Variants in DISC1 observed in about 807,000 individuals in gnomAD.
DISC1 encodes DISC1 scaffold protein, also known as disrupted in schizophrenia 1 protein.
Under a neutral mutation model 84.5 loss-of-function variants are expected in DISC1, and 57 were observed. The ratio of observed to expected loss-of-function variants is 0.67; its 90% confidence interval spans 0.55 to 0.84. The LOEUF (loss-of-function observed/expected upper bound fraction) is 0.84, where lower values mean the gene tolerates loss of function less well. DISC1 is among the 40% of genes least tolerant of loss of function. DISC1 has a pLI of 0.00. For missense variants in DISC1, 1,000 were observed against 1,057.8 expected (o/e 0.95, Z 0.76); for synonymous variants, 411 against 415.2 (o/e 0.99, Z 0.12).
chr1:232,001,073 A>G (rs1011348151), intron 10 of DISC1, among the ~76,000 whole-genome samples: 1 of 151,444 alleles, frequency 6.6e-6, no homozygotes, highest in Non-Finnish European at 1.5e-5. Context: ...ACTTAAGACA[A>G]TAGTATTTTA....
intron 6 of DISC1, among the ~76,000 whole-genome samples, chr1:231,782,772 T>C (rs1009692245): frequency 2.6e-5 from 4 of 151,756 alleles, no homozygotes; most frequent in African/African-American, 7.3e-5. Context: ...ACCCCGTCTC[T>C]ACCAAAAAAA....
chr1:231,859,297 C>G (rs188058619), intron 9 of DISC1, among the ~76,000 whole-genome samples: 1 of 152,146 alleles, frequency 6.6e-6, no homozygotes, highest in Non-Finnish European at 1.5e-5. Flanking sequence ...AACAAAGTAC[C>G]ATAGACTGAG....
chr1:231,720,980 G>A, intron 3 of DISC1: 1 of 1,290,956 alleles, frequency 7.7e-7, no homozygotes, highest in Non-Finnish European at 1.0e-6. Context: ...TTCATTTGGG[G>A]TGAACAGCAA....
chr1:231,809,402 T>TA (rs949306559), intron 8 of DISC1, among the ~76,000 whole-genome samples: 3 of 83,042 alleles, frequency 3.6e-5, no homozygotes, highest in South Asian at 4.3e-4. Context: ...TTTGGATATA[T>TA]TTTTTTTTTA....
At chr1:231,859,146 C>T (rs2084469238) in intron 9 of DISC1, among the ~76,000 whole-genome samples, 1 of 152,120 alleles carries the variant, frequency 6.6e-6, no homozygotes, top group African/African-American at 2.4e-5. Flanking sequence ...TATAATCCCC[C>T]CACCAAAAAA....
At chr1:231,886,771 CTTTCTTTCTTTCTTTCTTT>C (rs1558691964) in intron 9 of DISC1, among the ~76,000 whole-genome samples, 1,835 of 73,516 alleles carry the variant, frequency 0.025, 45 homozygotes, top group Non-Finnish European at 0.036. Flanking sequence ...TCCTTCCTTT[CTTTCTTTCTTTCTTTCTTT>C]CTTTCTTTCT....
intron 9 of DISC1, among the ~76,000 whole-genome samples, chr1:231,881,814 T>G (rs572892046): frequency 6.6e-6 from 1 of 152,282 alleles, no homozygotes; most frequent in African/African-American, 2.4e-5. Flanking sequence ...CACCCAGAAA[T>G]TTTGAAGCAA....
At chr1:231,839,200 G>A (rs1290037827) in intron 9 of DISC1, among the ~76,000 whole-genome samples, 6 of 152,156 alleles carry the variant, frequency 3.9e-5, no homozygotes, top group Admixed American at 3.3e-4. Flanking sequence ...TCGGAGGAAC[G>A]TGGCACATCT....
chr1:231,749,222 CT>C (rs990193601), intron 3 of DISC1, among the ~76,000 whole-genome samples: 8 of 152,006 alleles, frequency 5.3e-5, no homozygotes, highest in Non-Finnish European at 1.0e-4. Flanking sequence ...TGCCTTGGTC[CT>C]TTTTTTTGGT....
intron 10 of DISC1, among the ~76,000 whole-genome samples, chr1:231,960,671 C>T (rs1234354347): frequency 2.0e-5 from 3 of 152,344 alleles, no homozygotes; most frequent in African/African-American, 7.2e-5. Flanking sequence ...TGATGAAATA[C>T]ATGAGGGTTT....
chr1:231,704,158 G>A lies in DISC1; in HGVS notation c.1117+2134G>A, dbSNP rs533396860. On this transcript the variant is annotated intron_variant, in intron 3 of 12. Coordinates refer to ENST00000439617, the MANE Select transcript of DISC1 (RefSeq NM_018662.3). ...AATATGCACAATGCCTGGCATATAGGAGGCAGGCCCTCAGTAAATGTGGTG... is the reference window on the plus strand; with the variant it reads ...AATATGCACAATGCCTGGCATATAGAAGGCAGGCCCTCAGTAAATGTGGTG... Among the ~76,000 whole-genome samples the A allele has an allele frequency of 1.6e-3, 245 of 152,338 alleles. 1 individual carries two copies. Among genetic ancestry groups the A allele is most frequent in the African/African-American group, 5.7e-3 (236 of 41,582 alleles).
At chr1:231,884,936 C>G (rs2086577620) in intron 9 of DISC1, among the ~76,000 whole-genome samples, 1 of 152,054 alleles carries the variant, frequency 6.6e-6, no homozygotes, top group African/African-American at 2.4e-5. Flanking sequence ...TTCCTTTGTC[C>G]CCTCCTCTCT....
intron 6 of DISC1, among the ~76,000 whole-genome samples, chr1:231,775,002 A>C (rs1051735871): frequency 2.6e-5 from 4 of 152,246 alleles, no homozygotes; most frequent in African/African-American, 9.6e-5. Flanking sequence ...GTTCATGAGA[A>C]TAGGCTCTTC....
intron 9 of DISC1, among the ~76,000 whole-genome samples, chr1:231,856,845 C>T (rs1408182956): frequency 3.3e-5 from 5 of 152,132 alleles, no homozygotes. Flanking sequence ...ATGGGGCCTA[C>T]TGAGATTCCA....
chr1:231,757,135 C>T (rs201782031), intron 4 of DISC1, among the ~76,000 whole-genome samples: 51 of 152,178 alleles, frequency 3.4e-4, no homozygotes, highest in Non-Finnish European at 4.3e-4. Context: ...ATGTTAAATA[C>T]TAATTAATAA....
At chr1:231,903,244 G>A (rs1366695832) in intron 9 of DISC1, among the ~76,000 whole-genome samples, 1 of 151,800 alleles carries the variant, frequency 6.6e-6, no homozygotes, top group East Asian at 1.9e-4. Flanking sequence ...CTTCTTAGGT[G>A]GATACCAGTC....
chr1:231,956,355 C>G (rs894176475), intron 9 of DISC1, among the ~76,000 whole-genome samples: 6 of 152,106 alleles, frequency 3.9e-5, no homozygotes, highest in Non-Finnish European at 8.8e-5. Context: ...TCTTGTTAAC[C>G]TGTCTTTTGT....
chr1:231,706,354 A>G (rs75815972), intron 3 of DISC1, among the ~76,000 whole-genome samples: 13 of 152,290 alleles, frequency 8.5e-5, no homozygotes, highest in Non-Finnish European at 1.8e-4. Context: ...CAGCTCTGAC[A>G]TGGGTGGGGC....
At chr1:231,789,704 C>A (rs1266258372) in intron 6 of DISC1, among the ~76,000 whole-genome samples, 2 of 152,116 alleles carry the variant, frequency 1.3e-5, no homozygotes, top group African/African-American at 4.8e-5. Context: ...TGGCCCTTGA[C>A]CAAGTCTTGG....
Sources: gnomAD v4.1 joint callset for allele counts (sites outside exome capture counted in the v4.1 genomes callset) on GRCh38, gnomAD v4.1.1 for gene constraint, MANE v1.5 for transcripts, NCBI Gene and HGNC (gene_info 2026-07-23, HGNC 2026-07-21) for gene names.